The following SCHIP1 variants were observed in gnomAD, a reference collection of about 807,000 sequenced individuals.
SCHIP1 encodes the protein schwannomin-interacting protein 1.
A neutral mutation model predicts 29.7 loss-of-function variants in SCHIP1; 8 were observed. The ratio of observed to expected loss-of-function variants is 0.27; its 90% CI spans 0.16 to 0.49. The LOEUF is 0.49. Among genes scored for constraint, SCHIP1 ranks in the 20% least tolerant of loss-of-function variants. SCHIP1 has a pLI of 0.99. For synonymous variants in SCHIP1, 76 were observed against 94.9 expected (o/e 0.80, Z 1.16); for missense variants, 193 against 294.6 (o/e 0.66, Z 2.52).
At chr3:159,311,792 A>C in the SCHIP1 span, among the ~76,000 whole-genome samples, 1 of 152,178 alleles carries the variant, frequency 6.6e-6, no homozygotes, top group African/African-American at 2.4e-5. Flanking sequence ...GATACTCTTC[A>C]TGATCAATCT....
chr3:159,772,552 T>C, the SCHIP1 span, among the ~76,000 whole-genome samples: 1 of 152,248 alleles, frequency 6.6e-6, no homozygotes, highest in Non-Finnish European at 1.5e-5. Flanking sequence ...ACACATTCCC[T>C]GAAGTGTAGA....
At chr3:159,446,853 G>T in the SCHIP1 span, among the ~76,000 whole-genome samples, 1 of 152,172 alleles carries the variant, frequency 6.6e-6, no homozygotes, top group African/African-American at 2.4e-5. Context: ...GAAAAGTAAG[G>T]TGACCTGTTA....
chr3:159,407,001 A>G, the SCHIP1 span, among the ~76,000 whole-genome samples: 4 of 152,164 alleles, frequency 2.6e-5, no homozygotes, highest in African/African-American at 9.7e-5. Flanking sequence ...AACAACTAGA[A>G]AACAAATAGC....
At chr3:159,478,870 A>G in the SCHIP1 span, among the ~76,000 whole-genome samples, 2 of 152,082 alleles carry the variant, frequency 1.3e-5, no homozygotes, top group Non-Finnish European at 2.9e-5. Context: ...ATTTATTACT[A>G]GTATATAGAA....
chr3:159,309,610 G>T, the SCHIP1 span, among the ~76,000 whole-genome samples: 1 of 152,054 alleles, frequency 6.6e-6, no homozygotes, highest in Non-Finnish European at 1.5e-5. Context: ...TACCTTCCAG[G>T]TTATCAGATC....
chr3:159,647,216 G>A, the SCHIP1 span, among the ~76,000 whole-genome samples: 6 of 152,002 alleles, frequency 3.9e-5, no homozygotes, highest in Non-Finnish European at 7.4e-5. Flanking sequence ...GAGTGTCATC[G>A]AAAAAGCCAA....
At chr3:159,426,608 A>T in the SCHIP1 span, among the ~76,000 whole-genome samples, 2 of 152,210 alleles carry the variant, frequency 1.3e-5, no homozygotes, top group Non-Finnish European at 2.9e-5. Flanking sequence ...CAGAGGTACA[A>T]GGAGGAACTG....
chr3:159,699,087 T>G, the SCHIP1 span, among the ~76,000 whole-genome samples: 1 of 152,224 alleles, frequency 6.6e-6, no homozygotes, highest in African/African-American at 2.4e-5. Context: ...AGATTTTATA[T>G]ACTATGTCTC....
the SCHIP1 span, among the ~76,000 whole-genome samples, chr3:159,293,683 T>C: frequency 6.6e-6 from 1 of 152,214 alleles, no homozygotes; most frequent in Non-Finnish European, 1.5e-5. Flanking sequence ...CTTTCCTCCA[T>C]ACTTCCTTTC....
At chr3:159,642,144 C>T in the SCHIP1 span, among the ~76,000 whole-genome samples, 1 of 152,100 alleles carries the variant, frequency 6.6e-6, no homozygotes, top group Non-Finnish European at 1.5e-5. Context: ...ATTACCTCAA[C>T]ATTTATTAGG....
At chr3:159,626,265 T>C in the SCHIP1 span, among the ~76,000 whole-genome samples, 8 of 140,904 alleles carry the variant, frequency 5.7e-5, 1 homozygote, top group African/African-American at 2.3e-4. Flanking sequence ...GATAGATAGA[T>C]AGATAGATAG....
chr3:159,667,784 A>G, the SCHIP1 span, among the ~76,000 whole-genome samples: 1 of 152,248 alleles, frequency 6.6e-6, no homozygotes, highest in Non-Finnish European at 1.5e-5. Flanking sequence ...ATAATCTATA[A>G]TGAGAAATAT....
At chr3:159,380,914 G>T in the SCHIP1 span, among the ~76,000 whole-genome samples, 5 of 152,124 alleles carry the variant, frequency 3.3e-5, no homozygotes, top group Non-Finnish European at 7.4e-5. Context: ...AAGACGTGTT[G>T]TATATGGAAA....
In SCHIP1 at chr3:159,896,706, T is replaced by C; in HGVS notation, c.684-17T>C. On this transcript the variant is annotated splice_polypyrimidine_tract_variant and intron_variant, in intron 6 of 6. Transcript: ENST00000445224. Reference sequence around the variant, plus strand: ...CTCTCTACATGATGCTAAATAATTGTATTAATTGTTTTACAGACATGCTGA... The same window carrying C: ...CTCTCTACATGATGCTAAATAATTGCATTAATTGTTTTACAGACATGCTGA... 1 of 1,594,118 alleles carries C rather than the reference T, an allele frequency of 6.3e-7. No homozygotes were observed. The highest frequency in any genetic ancestry group is 8.5e-7 in the Non-Finnish European group (1 of 1,172,564).
the SCHIP1 span, among the ~76,000 whole-genome samples, chr3:159,806,035 C>T: frequency 6.6e-6 from 1 of 152,162 alleles, no homozygotes; most frequent in African/African-American, 2.4e-5. Flanking sequence ...GTGTCAAACT[C>T]CTGACCTCAG....
At chr3:159,445,162 A>C in the SCHIP1 span, among the ~76,000 whole-genome samples, 3 of 152,144 alleles carry the variant, frequency 2.0e-5, no homozygotes, top group African/African-American at 7.2e-5. Context: ...TCTACAATGA[A>C]CTCAAACAAA....
At chr3:159,477,321 G>T in the SCHIP1 span, among the ~76,000 whole-genome samples, 1 of 152,088 alleles carries the variant, frequency 6.6e-6, no homozygotes, top group Admixed American at 6.5e-5. Flanking sequence ...TAAGATTGCT[G>T]AATCATATGA....
At chr3:159,740,993 CA>C in the SCHIP1 span, among the ~76,000 whole-genome samples, 1 of 151,992 alleles carries the variant, frequency 6.6e-6, no homozygotes, top group Admixed American at 6.6e-5. Flanking sequence ...CCAAGTCATC[CA>C]CCTCACCCAA....
chr3:159,580,789 G>T, the SCHIP1 span, among the ~76,000 whole-genome samples: 1 of 152,164 alleles, frequency 6.6e-6, no homozygotes, highest in African/African-American at 2.4e-5. Context: ...TTCACCAATG[G>T]TTTAGCATTA....
Sources: gnomAD v4.1 joint callset for allele counts (sites outside exome capture counted in the v4.1 genomes callset) on GRCh38, gnomAD v4.1.1 for gene constraint, MANE v1.5 for transcripts, NCBI Gene and HGNC (gene_info 2026-07-23, HGNC 2026-07-21) for gene names.